PLB1: variants seen among roughly 807,000 people sequenced by gnomAD.
PLB1 encodes the protein phospholipase B1, membrane-associated.
Under a neutral mutation model 227.4 loss-of-function variants are expected in PLB1, and 242 were observed. That is an observed-to-expected ratio of 1.06 (90% CI 0.96 to 1.18). The LOEUF is 1.18. Ranked by LOEUF, PLB1 falls within the 50% of genes most tolerant of loss-of-function variation. PLB1 has a pLI of 0.00. For synonymous variants in PLB1, 757 were observed against 682.2 expected (o/e 1.11, Z -1.71); for missense variants, 1,858 against 1,816.3 (o/e 1.02, Z -0.42).
intron 44 of PLB1, among the ~76,000 whole-genome samples, chr2:28,614,551 A>G (rs990623001): frequency 2.0e-5 from 3 of 152,182 alleles, no homozygotes; most frequent in Admixed American, 6.5e-5. Flanking sequence ...GTTCAAGTCA[A>G]TCATTCTAGT....
intron 50 of PLB1, 33 bp from the exon 51 acceptor site, chr2:28,626,395 A>G: frequency 6.3e-7 from 1 of 1,585,482 alleles, no homozygotes; most frequent in Non-Finnish European, 8.7e-7. Flanking sequence ...GCCTCCCACC[A>G]AGGCCTAAAC....
intron 20 of PLB1, among the ~76,000 whole-genome samples, chr2:28,568,579 G>A (rs1677463743): frequency 1.3e-5 from 2 of 152,332 alleles, no homozygotes; most frequent in South Asian, 4.1e-4. Flanking sequence ...TCAACCCCCT[G>A]TTCAATTTAA....
At chr2:28,606,715 T>G in intron 43 of PLB1, 148 bp downstream of exon 43, 1 of 722,966 alleles carries the variant, frequency 1.4e-6, no homozygotes, top group East Asian at 2.6e-5. Flanking sequence ...GGGGAGTCCA[T>G]GAGGATGGAC....
At chr2:28,531,074 A>G (rs1197811087) in intron 8 of PLB1, among the ~76,000 whole-genome samples, 2 of 152,208 alleles carry the variant, frequency 1.3e-5, no homozygotes, top group Non-Finnish European at 2.9e-5. Flanking sequence ...GCTGCCTCTT[A>G]AAAAGCAAAG....
Position 28,604,662 on chromosome 2 carries a change from T to C in PLB1, c.2864T>C (p.Met955Thr). ...EAFSRAYRSS[M>T]RELVGSGRYD... ...CTGTGCATGTGTCCCCAGAGCAGCA[T>C]GCGCGAGCTGGTGGGGTCAGGCCGC... Residue 955 changes from methionine to threonine, a missense_variant, in exon 41 of 58, where the codon ATG becomes ACG. Physicochemically the swap from Met to Thr is moderately conservative, Grantham distance 81 (BLOSUM62 -1). Transcript: ENST00000327757. 3.7e-6 allele frequency: 6 copies of C among 1,613,980 alleles called. No individual in the cohort carries two copies. The highest frequency in any genetic ancestry group is 5.1e-6 in the Non-Finnish European group (6 of 1,179,878).
intron 21 of PLB1, among the ~76,000 whole-genome samples, chr2:28,576,708 C>T (rs186309005): frequency 4.6e-5 from 7 of 152,108 alleles, no homozygotes; most frequent in Admixed American, 6.5e-5. Context: ...ACAACCTGGG[C>T]GATAGCACGA....
Position 28,525,950 on chromosome 2 carries a change from G to A in PLB1, c.325+5G>A, listed in dbSNP as rs1670190534. On this transcript the variant is annotated splice_donor_5th_base_variant and intron_variant, in intron 6 of 57. Transcript: ENST00000327757. Reference sequence around the variant, plus strand: ...TGTGCATGGGAGTGATGACAGGTGAGTTGTGGTTTTCACGGCCAGATTTCA... The same window carrying A: ...TGTGCATGGGAGTGATGACAGGTGAATTGTGGTTTTCACGGCCAGATTTCA... The A allele has an allele frequency of 6.2e-7, 1 of 1,614,080 alleles. No individual in the cohort carries two copies. Among genetic ancestry groups the A allele is most frequent in the East Asian group, 2.2e-5 (1 of 44,876 alleles).
In PLB1 at chr2:28,541,780, T is replaced by C; in HGVS notation, c.848T>C (p.Phe283Ser). 1 of 1,611,944 alleles carries C rather than the reference T, an allele frequency of 6.2e-7. No individual in the cohort carries two copies. The highest frequency in any genetic ancestry group is 8.5e-7 in the Non-Finnish European group (1 of 1,179,200). Residue 283 changes from phenylalanine (F) to serine (S), a missense_variant, in exon 13 of 58, where the codon TTC becomes TCC. By Grantham distance (155) the Phe-to-Ser change is radical. Transcript: ENST00000327757. The part of the protein sequence containing the change: ...QESFTVVFQP[F>S]FYETTPSLHS... Reference sequence around the variant, plus strand: ...TCCTTCACCGTGGTTTTCCAGCCTTTCTTCTATGAGACCACCCCATCTCTA... The same window carrying C: ...TCCTTCACCGTGGTTTTCCAGCCTTCCTTCTATGAGACCACCCCATCTCTA...
Position 28,516,798 on chromosome 2 carries a change from T to A in PLB1, c.56-10T>A. 6.2e-7 allele frequency: 1 copy of A among 1,611,478 alleles called. No individual in the cohort carries two copies. The highest frequency in any genetic ancestry group is 8.5e-7 in the Non-Finnish European group (1 of 1,177,842). On this transcript the variant is annotated splice_polypyrimidine_tract_variant and intron_variant, in intron 1 of 57. Coordinates refer to ENST00000327757, the MANE Select transcript of PLB1 (RefSeq NM_153021.5). ...GCTAAATAACTTGAACTATTTCTGC[T>A]TTCTTTCAGGGACCCCTCAGATCCA...
At chr2:28,609,210 G>A (rs1437604622) in intron 43 of PLB1, among the ~76,000 whole-genome samples, 1 of 152,164 alleles carries the variant, frequency 6.6e-6, no homozygotes, top group African/African-American at 2.4e-5. Context: ...GTGAGCAGCT[G>A]TGCCCGGCCT....
intron 4 of PLB1, among the ~76,000 whole-genome samples, chr2:28,523,665 C>A (rs72792951): frequency 0.11 from 17,228 of 152,072 alleles, 1,248 homozygotes; most frequent in East Asian, 0.35. Flanking sequence ...CCCAACATCT[C>A]TCTTTACCAC....
At chr2:28,537,677 A>C (rs960209093) in intron 9 of PLB1, among the ~76,000 whole-genome samples, 7 of 151,824 alleles carry the variant, frequency 4.6e-5, no homozygotes, top group Admixed American at 1.3e-4. Flanking sequence ...AAAAAAAAAA[A>C]AAAAGGTAAA....
chr2:28,565,882 T>TTA (rs1429421592), intron 19 of PLB1, among the ~76,000 whole-genome samples: 1 of 152,188 alleles, frequency 6.6e-6, no homozygotes, highest in Non-Finnish European at 1.5e-5. Flanking sequence ...GGCATTGTTA[T>TTA]TATAGGGCCT....
At chr2:28,496,253 G>A (rs1196177784) in intron 1 of PLB1, 84 bp downstream of exon 1, 7 of 1,340,302 alleles carry the variant, frequency 5.2e-6, no homozygotes, top group Non-Finnish European at 7.4e-6. Context: ...GTGTGTGAGA[G>A]GAGTGTGTGC....
At chr2:28,537,276 G>A (rs1181046833) in intron 9 of PLB1, among the ~76,000 whole-genome samples, 3 of 152,228 alleles carry the variant, frequency 2.0e-5, no homozygotes, top group African/African-American at 7.2e-5. Context: ...AAACAGAACA[G>A]CTCCTTGGCC....
At chr2:28,601,365 T>G (rs201195348) in intron 37 of PLB1, 33 bp downstream of exon 37, 203 of 1,591,670 alleles carry the variant, frequency 1.3e-4, no homozygotes, top group Admixed American at 5.7e-4. Context: ...CTACTTGTTG[T>G]TCCTAACTTT....
In PLB1 at chr2:28,514,871, G is replaced by A. The variant is rs144138225; in HGVS notation, c.56-1937G>A. 1.1e-3 allele frequency among the ~76,000 whole-genome samples: 161 copies of A among 152,000 alleles called. 1 individual carries two copies. The highest frequency in any genetic ancestry group is 1.9e-3 in the Non-Finnish European group (129 of 67,982). On this transcript the variant is annotated intron_variant, in intron 1 of 57. Transcript: ENST00000327757. ...TATTTTTTTATTTTTTTAGAGATGG[G>A]TTCTCATTATGTTGCCCAGGCTGGT...
intron 6 of PLB1, among the ~76,000 whole-genome samples, chr2:28,526,901 G>A (rs1670331741): frequency 6.6e-6 from 1 of 152,192 alleles, no homozygotes; most frequent in Non-Finnish European, 1.5e-5. Context: ...GGAAGGTTGA[G>A]CCTGGCAGTT....
chr2:28,512,671 G>A lies in PLB1; in HGVS notation c.56-4137G>A, dbSNP rs144877274. ...AGCTAACCACTGATGTCTTTGCTCAGTTTTTTTTTCTTTCTTCTTTTTTTT... is the reference window on the plus strand; with the variant it reads ...AGCTAACCACTGATGTCTTTGCTCAATTTTTTTTTCTTTCTTCTTTTTTTT... On this transcript the variant is annotated intron_variant, in intron 1 of 57. Coordinates refer to ENST00000327757, the MANE Select transcript of PLB1 (RefSeq NM_153021.5). Among the ~76,000 whole-genome samples the A allele has an allele frequency of 3.0e-3, 448 of 148,518 alleles. 3 individuals carry two copies. Among genetic ancestry groups the A allele is most frequent in the African/African-American group, 0.011 (424 of 40,184 alleles).
Sources: allele counts gnomAD v4.1 joint callset (sites outside exome capture counted in the v4.1 genomes callset), GRCh38; gene constraint gnomAD v4.1.1; transcripts MANE v1.5; gene names NCBI Gene and HGNC (gene_info 2026-07-23, HGNC 2026-07-21).